The following PIBF1 variants were observed in gnomAD, a reference collection of about 807,000 sequenced individuals.
PIBF1 encodes progesterone-induced-blocking factor 1.
In PIBF1, 90 loss-of-function variants were observed where a neutral mutation model predicts 112.5. The ratio of observed to expected loss-of-function variants is 0.80; its 90% CI spans 0.67 to 0.95. The LOEUF (loss-of-function observed/expected upper bound fraction) is 0.95, where lower values mean the gene tolerates loss of function less well. PIBF1 is among the 40% of genes least tolerant of loss of function. PIBF1 has a pLI of 0.00. For missense variants in PIBF1, 915 were observed against 852.3 expected (o/e 1.07, Z -0.92); for synonymous variants, 301 against 288.6 (o/e 1.04, Z -0.44).
intron 14 of PIBF1, among the ~76,000 whole-genome samples, chr13:72,936,017 T>C (rs2041863121): frequency 6.7e-6 from 1 of 149,912 alleles, no homozygotes; most frequent in African/African-American, 2.4e-5. Context: ...TTTTTATTTA[T>C]TTATTTATTT....
intron 13 of PIBF1, among the ~76,000 whole-genome samples, chr13:72,928,533 A>G (rs1566459389): frequency 6.6e-6 from 1 of 152,076 alleles, no homozygotes; most frequent in African/African-American, 2.4e-5. Context: ...TCCGCCTCCC[A>G]GGTTCAAGCG....
intron 10 of PIBF1, among the ~76,000 whole-genome samples, chr13:72,891,690 G>A (rs775102073): frequency 5.3e-5 from 8 of 151,950 alleles, no homozygotes; most frequent in Non-Finnish European, 1.0e-4. Flanking sequence ...ATATGACATA[G>A]CAATTGTGTT....
intron 10 of PIBF1, among the ~76,000 whole-genome samples, chr13:72,877,183 T>C (rs1394356630): frequency 6.6e-6 from 1 of 152,244 alleles, no homozygotes; most frequent in East Asian, 1.9e-4. Context: ...TGGATCACAT[T>C]AATTGATTTT....
Position 72,899,759 on chromosome 13 carries a change from A to G in PIBF1, c.1488+5810A>G, listed in dbSNP as rs148841826. ...AGTACTGGAAGTCCTAGCCAAAGCAATCAAACAAGAGAAAGAAATAAAGGG... is the reference window on the plus strand; with the variant it reads ...AGTACTGGAAGTCCTAGCCAAAGCAGTCAAACAAGAGAAAGAAATAAAGGG... On this transcript the variant is annotated intron_variant, in intron 11 of 17. Coordinates refer to ENST00000326291, the MANE Select transcript of PIBF1 (RefSeq NM_006346.4). Among the ~76,000 whole-genome samples the G allele has an allele frequency of 3.7e-3, 561 of 152,310 alleles. 2 individuals carry two copies. Among genetic ancestry groups the G allele is most frequent in the African/African-American group, 0.013 (530 of 41,572 alleles).
At chr13:72,835,204 A>G in intron 8 of PIBF1, 39 bp from the exon 9 acceptor site, 1 of 1,490,968 alleles carries the variant, frequency 6.7e-7, no homozygotes, top group Non-Finnish European at 8.9e-7. Context: ...TATTTGTTTC[A>G]AAAGAAAATT....
chr13:72,993,609 G>T (rs2043549752), intron 16 of PIBF1, among the ~76,000 whole-genome samples: 1 of 151,934 alleles, frequency 6.6e-6, no homozygotes, highest in Non-Finnish European at 1.5e-5. Flanking sequence ...AGGTGGGCAT[G>T]GTGACGGGCG....
At chr13:72,908,738 G>T (rs190851703) in intron 12 of PIBF1, 57 bp downstream of exon 12, 23 of 1,476,564 alleles carry the variant, frequency 1.6e-5, no homozygotes, top group Non-Finnish European at 2.1e-5. Flanking sequence ...AACAAAAGAC[G>T]CCTGACCTTA....
At chr13:72,980,317 A>C (rs1402211176) in intron 16 of PIBF1, among the ~76,000 whole-genome samples, 1 of 152,206 alleles carries the variant, frequency 6.6e-6, no homozygotes, top group East Asian at 1.9e-4. Flanking sequence ...GGAAGGGCAT[A>C]GGAAAAAGTG....
intron 10 of PIBF1, among the ~76,000 whole-genome samples, chr13:72,882,320 C>T (rs950795871): frequency 5.9e-5 from 9 of 152,150 alleles, no homozygotes; most frequent in African/African-American, 2.2e-4. Flanking sequence ...AAATCTAAGA[C>T]CTCAAACTAT....
At chr13:72,786,842 C>G (rs2034623990) in intron 2 of PIBF1, among the ~76,000 whole-genome samples, 3 of 152,170 alleles carry the variant, frequency 2.0e-5, no homozygotes. Flanking sequence ...TGTTTGCTCT[C>G]AAATATATGA....
chr13:72,882,886 C>G (rs940411624), intron 10 of PIBF1, among the ~76,000 whole-genome samples: 1 of 152,132 alleles, frequency 6.6e-6, no homozygotes, highest in Non-Finnish European at 1.5e-5. Flanking sequence ...TTGGAGGTTC[C>G]TCAAAAAACT....
At chr13:72,987,858 A>ATTTATTTATTT (rs1345167411) in intron 16 of PIBF1, among the ~76,000 whole-genome samples, 2 of 58,134 alleles carry the variant, frequency 3.4e-5, no homozygotes, top group African/African-American at 1.9e-4. Flanking sequence ...TTATTTATTT[A>ATTTATTTATTT]TTTTTTTTTT....
chr13:73,013,754 G>GA (rs918001805), intron 17 of PIBF1, among the ~76,000 whole-genome samples: 1 of 112,642 alleles, frequency 8.9e-6, no homozygotes, highest in African/African-American at 3.1e-5. Flanking sequence ...AAAAAAAAAA[G>GA]AAAAAGAAAA....
intron 2 of PIBF1, among the ~76,000 whole-genome samples, chr13:72,787,669 A>AT (rs1368073372): frequency 6.6e-6 from 1 of 151,568 alleles, no homozygotes; most frequent in East Asian, 1.9e-4. Flanking sequence ...TTTTCTTTTA[A>AT]TTTTTTTGAG....
intron 11 of PIBF1, among the ~76,000 whole-genome samples, chr13:72,905,043 C>T (rs569006406): frequency 1.1e-3 from 161 of 149,236 alleles, no homozygotes; most frequent in African/African-American, 3.7e-3. Context: ...TAACACCTGA[C>T]CAACCTCACT....
intron 5 of PIBF1, among the ~76,000 whole-genome samples, chr13:72,808,667 C>T (rs1303670232): frequency 1.3e-5 from 2 of 152,124 alleles, no homozygotes; most frequent in Non-Finnish European, 2.9e-5. Flanking sequence ...TAGCCAGATA[C>T]TTAAGCAGAA....
intron 10 of PIBF1, among the ~76,000 whole-genome samples, chr13:72,873,437 T>C (rs1006259421): frequency 1.3e-5 from 2 of 152,144 alleles, no homozygotes; most frequent in African/African-American, 4.8e-5. Flanking sequence ...TTGCTCTTGT[T>C]GCCCAGGCTG....
intron 11 of PIBF1, among the ~76,000 whole-genome samples, chr13:72,894,709 C>T (rs1456580945): frequency 1.3e-5 from 2 of 148,462 alleles, no homozygotes; most frequent in African/African-American, 4.9e-5. Context: ...CAAAATTAAA[C>T]TCAGATGGAT....
chr13:72,829,788 T>TA (rs2037009797), intron 8 of PIBF1, among the ~76,000 whole-genome samples: 1 of 152,180 alleles, frequency 6.6e-6, no homozygotes, highest in East Asian at 1.9e-4. Flanking sequence ...ATATGAAGTT[T>TA]AAAGTAGTTT....
Sources: allele counts gnomAD v4.1 joint callset (sites outside exome capture counted in the v4.1 genomes callset), GRCh38; gene constraint gnomAD v4.1.1; transcripts MANE v1.5; gene names NCBI Gene and HGNC (gene_info 2026-07-23, HGNC 2026-07-21).